MAP3K7CL: variants seen among roughly 807,000 people sequenced by gnomAD.
MAP3K7CL encodes the protein MAP3K7 C-terminal like, also known as MAP3K7 C-terminal-like protein.
A neutral mutation model predicts 18.6 loss-of-function variants in MAP3K7CL; 16 were observed. The ratio of observed to expected loss-of-function variants is 0.86; its 90% CI spans 0.58 to 1.31. MAP3K7CL has a LOEUF of 1.31. MAP3K7CL is among the 50% of genes most tolerant of loss of function. MAP3K7CL has a pLI of 0.00. For synonymous variants in MAP3K7CL, 65 were observed against 66.8 expected (o/e 0.97, Z 0.13); for missense variants, 163 against 174.4 (o/e 0.93, Z 0.37).
intron 3 of MAP3K7CL, among the ~76,000 whole-genome samples, chr21:29,153,351 A>G (rs371726953): frequency 3.9e-5 from 6 of 152,142 alleles, no homozygotes; most frequent in Admixed American, 3.9e-4. Context: ...CCCATCAGGG[A>G]CAGTATTTGA....
chr21:29,174,368 A>AC (rs1310433483), intron 4 of MAP3K7CL, among the ~76,000 whole-genome samples: 33 of 152,236 alleles, frequency 2.2e-4, no homozygotes, highest in Non-Finnish European at 3.7e-4. Flanking sequence ...CTACAAGACA[A>AC]TAGGCAGCAT....
upstream of MAP3K7CL, among the ~76,000 whole-genome samples, chr21:29,084,185 G>T (rs1047602394): frequency 1.3e-5 from 2 of 151,458 alleles, no homozygotes; most frequent in African/African-American, 4.8e-5. Flanking sequence ...TTACTTAGAA[G>T]GAAGAATTTA....
At chr21:29,162,295 T>C (rs2087567938) in intron 4 of MAP3K7CL, among the ~76,000 whole-genome samples, 1 of 150,450 alleles carries the variant, frequency 6.6e-6, no homozygotes, top group Non-Finnish European at 1.5e-5. Context: ...GTTATTTAAA[T>C]TAAATTTATG....
At chr21:29,167,074 T>C (rs2087706711) in intron 4 of MAP3K7CL, among the ~76,000 whole-genome samples, 1 of 152,258 alleles carries the variant, frequency 6.6e-6, no homozygotes, top group Non-Finnish European at 1.5e-5. Context: ...TCTTGTGCCT[T>C]TTAGATTCTA....
At chr21:29,136,508 T>C (rs562140704) in intron 2 of MAP3K7CL, among the ~76,000 whole-genome samples, 3 of 149,726 alleles carry the variant, frequency 2.0e-5, no homozygotes, top group African/African-American at 7.4e-5. Context: ...GACATGTTCA[T>C]TTTTTTCTTT....
chr21:29,135,607 AC>A (rs932210879), intron 2 of MAP3K7CL, among the ~76,000 whole-genome samples: 20 of 151,912 alleles, frequency 1.3e-4, no homozygotes, highest in Admixed American at 2.6e-4. Context: ...TGCCTGAATA[AC>A]CTCTTTCTTG....
intron 4 of MAP3K7CL, among the ~76,000 whole-genome samples, chr21:29,097,602 T>G (rs1266038982): frequency 6.6e-6 from 1 of 152,176 alleles, no homozygotes; most frequent in Non-Finnish European, 1.5e-5. Context: ...TACAAGTTTT[T>G]TTTTTATTAG....
At chr21:29,103,595 C>T (rs1054871765) in intron 4 of MAP3K7CL, among the ~76,000 whole-genome samples, 4 of 152,178 alleles carry the variant, frequency 2.6e-5, no homozygotes, top group Admixed American at 1.3e-4. Flanking sequence ...ATTAGCCAGG[C>T]GTGGTGGCAT....
intron 2 of MAP3K7CL, among the ~76,000 whole-genome samples, chr21:29,138,411 A>G (rs1038788052): frequency 2.0e-5 from 3 of 152,246 alleles, no homozygotes; most frequent in African/African-American, 7.2e-5. Flanking sequence ...GAAGAAAAAT[A>G]TGAATCCCAC....
intron 4 of MAP3K7CL, among the ~76,000 whole-genome samples, chr21:29,123,271 T>G (rs2086628366): frequency 6.6e-6 from 1 of 152,046 alleles, no homozygotes; most frequent in Non-Finnish European, 1.5e-5. Context: ...ACCATGTTGG[T>G]CAGGCTGATC....
intron 3 of MAP3K7CL, 33 bp downstream of exon 3, chr21:29,149,283 T>A (rs1159907724): frequency 1.3e-6 from 2 of 1,586,576 alleles, no homozygotes; most frequent in East Asian, 4.5e-5. Flanking sequence ...TCTTCTTTCC[T>A]CCTTAGTGTC....
At chr21:29,164,873 C>CATTTTATCTAATAT (rs2087646812) in intron 4 of MAP3K7CL, among the ~76,000 whole-genome samples, 1 of 151,956 alleles carries the variant, frequency 6.6e-6, no homozygotes, top group Non-Finnish European at 1.5e-5. Flanking sequence ...TCTTTCTAGG[C>CATTTTATCTAATAT]CTTTTGCATG....
chr21:29,133,548 A>G, intron 2 of MAP3K7CL, 134 bp downstream of exon 2: 1 of 556,294 alleles, frequency 1.8e-6, no homozygotes, highest in South Asian at 5.3e-5. Flanking sequence ...GTGATATTTC[A>G]TCATGCATTG....
intron 2 of MAP3K7CL, among the ~76,000 whole-genome samples, chr21:29,148,000 T>C (rs539551237): frequency 6.6e-6 from 1 of 152,086 alleles, no homozygotes; most frequent in East Asian, 1.9e-4. Context: ...GTATGTGTAT[T>C]GCATATGTAT....
intron 4 of MAP3K7CL, among the ~76,000 whole-genome samples, chr21:29,163,356 A>G (rs1400998508): frequency 6.6e-6 from 1 of 152,138 alleles, no homozygotes; most frequent in African/African-American, 2.4e-5. Flanking sequence ...CTTTCATTAT[A>G]TATATATTTT....
chr21:29,080,381 A>G (rs963701933), intron 1 of MAP3K7CL, among the ~76,000 whole-genome samples: 3 of 152,232 alleles, frequency 2.0e-5, no homozygotes, highest in Non-Finnish European at 4.4e-5. Flanking sequence ...CTGTTTTGGC[A>G]TTTCTGCCAT....
intron 4 of MAP3K7CL, among the ~76,000 whole-genome samples, chr21:29,093,542 C>T (rs183912584): frequency 2.6e-4 from 39 of 152,152 alleles, no homozygotes; most frequent in East Asian, 9.7e-4. Flanking sequence ...AGTGCAGTGG[C>T]GTGATCTCGG....
At chr21:29,172,434 C>T (rs1047304434) in intron 4 of MAP3K7CL, among the ~76,000 whole-genome samples, 5 of 152,250 alleles carry the variant, frequency 3.3e-5, no homozygotes, top group Non-Finnish European at 5.9e-5. Flanking sequence ...GTCTATTTAT[C>T]TCATGACTAG....
At chr21:29,172,997 C>T (rs929186661) in intron 4 of MAP3K7CL, among the ~76,000 whole-genome samples, 3 of 152,122 alleles carry the variant, frequency 2.0e-5, no homozygotes, top group African/African-American at 7.2e-5. Flanking sequence ...AGAGGAGAGG[C>T]TTTTAGAAAT....
Sources: allele counts gnomAD v4.1 joint callset (sites outside exome capture counted in the v4.1 genomes callset), GRCh38; gene constraint gnomAD v4.1.1; transcripts MANE v1.5; gene names NCBI Gene and HGNC (gene_info 2026-07-23, HGNC 2026-07-21).